The following CCR3 variants were observed in gnomAD, a reference collection of about 807,000 sequenced individuals.
CCR3 encodes the protein C-C motif chemokine receptor 3, also known as C-C chemokine receptor type 3.
For missense variants in CCR3, 419 were observed against 437.5 expected (o/e 0.96, Z 0.38); for synonymous variants, 203 against 179.2 (o/e 1.13, Z -1.06).
chr3:46,239,019 G>A (rs1700050348), upstream of CCR3, among the ~76,000 whole-genome samples: 1 of 152,150 alleles, frequency 6.6e-6, no homozygotes, highest in Non-Finnish European at 1.5e-5. Context: ...TTATGATGGT[G>A]ATTCAGAGAG....
At chr3:46,245,392 C>A (rs974125552) in intron 1 of CCR3, among the ~76,000 whole-genome samples, 1 of 149,096 alleles carries the variant, frequency 6.7e-6, no homozygotes, top group African/African-American at 2.5e-5. Flanking sequence ...TCCTCTTCTA[C>A]AGGAAGAACT....
At chr3:46,224,612 C>T (rs1044982851) in intron 2 of CCR3, among the ~76,000 whole-genome samples, 4 of 151,858 alleles carry the variant, frequency 2.6e-5, no homozygotes, top group Non-Finnish European at 4.4e-5. Flanking sequence ...TGGCACACAC[C>T]TGTAATCCCA....
At chr3:46,254,836 G>A (rs917132092) in intron 1 of CCR3, among the ~76,000 whole-genome samples, 1 of 152,138 alleles carries the variant, frequency 6.6e-6, no homozygotes, top group Non-Finnish European at 1.5e-5. Flanking sequence ...TCATGGCTGA[G>A]TAGTATACCA....
At chr3:46,250,863 G>C (rs1301286902) in intron 1 of CCR3, among the ~76,000 whole-genome samples, 1 of 151,754 alleles carries the variant, frequency 6.6e-6, no homozygotes, top group Non-Finnish European at 1.5e-5. Flanking sequence ...ATGGAAATAA[G>C]GGATTGGGGC....
At chr3:46,243,749 A>G (rs367949491) in intron 1 of CCR3, among the ~76,000 whole-genome samples, 9 of 152,318 alleles carry the variant, frequency 5.9e-5, no homozygotes, top group Non-Finnish European at 1.3e-4. Flanking sequence ...TGGGAGAAGA[A>G]ATATGAGCCC....
chr3:46,239,321 C>G (rs1700054720), upstream of CCR3, among the ~76,000 whole-genome samples: 1 of 152,170 alleles, frequency 6.6e-6, no homozygotes, highest in African/African-American at 2.4e-5. Flanking sequence ...ATCTTTGTAA[C>G]CTTCTAGGAA....
At chr3:46,243,006 C>CATATATATATATATATATATAT (rs1559531100) in intron 1 of CCR3, among the ~76,000 whole-genome samples, 10 of 77,590 alleles carry the variant, frequency 1.3e-4, no homozygotes, top group South Asian at 1.0e-3. Context: ...TATATATACG[C>CATATATATATATATATATATAT]ACACACACAT....
chr3:46,222,978 A>C (rs1324992771), intron 2 of CCR3, among the ~76,000 whole-genome samples: 1 of 152,204 alleles, frequency 6.6e-6, no homozygotes, highest in Non-Finnish European at 1.5e-5. Flanking sequence ...GGAAGGAGAA[A>C]GTATATTAAG....
chr3:46,215,614 C>T (rs1194278250), intron 2 of CCR3, among the ~76,000 whole-genome samples: 1 of 152,156 alleles, frequency 6.6e-6, no homozygotes, highest in Non-Finnish European at 1.5e-5. Flanking sequence ...GTGTGAGACA[C>T]CCTGGTCTAG....
chr3:46,218,859 CACAGCTA>C lies in CCR3; in HGVS notation c.-68+7956_-68+7962del, dbSNP rs983450970. On this transcript the variant is annotated intron_variant, in intron 2 of 3. Transcript: ENST00000357422. ...TAATCAAAGCCGTCTATGACAACCC[CACAGCTA>C]ACATTATACTGAAAAGGGGAAAGTT... 3.0e-4 allele frequency among the ~76,000 whole-genome samples: 45 copies of C among 152,222 alleles called. 1 individual carries two copies. The highest frequency in any genetic ancestry group is 1.1e-3 in the African/African-American group (44 of 41,536).
chr3:46,241,552 T>G (rs1371124638), upstream of CCR3, among the ~76,000 whole-genome samples: 1 of 152,252 alleles, frequency 6.6e-6, no homozygotes, highest in Admixed American at 6.5e-5. Context: ...CTGTATATTC[T>G]GCAGAGACTT....
upstream of CCR3, among the ~76,000 whole-genome samples, chr3:46,241,607 A>C (rs1185839026): frequency 6.6e-6 from 1 of 152,138 alleles, no homozygotes; most frequent in Non-Finnish European, 1.5e-5. Flanking sequence ...GCTATGACTT[A>C]AATATCATTA....
intron 1 of CCR3, among the ~76,000 whole-genome samples, chr3:46,251,538 G>A (rs1476794300): frequency 6.6e-6 from 1 of 152,102 alleles, no homozygotes; most frequent in African/African-American, 2.4e-5. Context: ...TTCTCACGGA[G>A]CAAAGAACAG....
intron 1 of CCR3, among the ~76,000 whole-genome samples, chr3:46,248,729 C>T (rs1220664816): frequency 1.3e-5 from 2 of 152,072 alleles, no homozygotes; most frequent in Non-Finnish European, 2.9e-5. Flanking sequence ...CAGGGTCAGT[C>T]TAAGTGAAAG....
intron 2 of CCR3, among the ~76,000 whole-genome samples, chr3:46,230,695 A>G (rs1286956577): frequency 3.3e-5 from 5 of 152,002 alleles, no homozygotes; most frequent in African/African-American, 1.2e-4. Flanking sequence ...TGACGATGTA[A>G]ATGCAGCCCC....
intron 2 of CCR3, among the ~76,000 whole-genome samples, chr3:46,215,626 G>A (rs1360465112): frequency 6.6e-6 from 1 of 152,194 alleles, no homozygotes; most frequent in East Asian, 1.9e-4. Context: ...CTGGTCTAGA[G>A]GATCACGTTC....
intron 2 of CCR3, among the ~76,000 whole-genome samples, chr3:46,227,045 A>T (rs71615440): frequency 0.06 from 8,984 of 149,976 alleles, 439 homozygotes; most frequent in South Asian, 0.25. Context: ...CTATTTTTTT[A>T]TTTTTCGTAT....
At chr3:46,241,139 C>T (rs1488215971), upstream of CCR3, among the ~76,000 whole-genome samples, 1 of 150,536 alleles carries the variant, frequency 6.6e-6, no homozygotes, top group African/African-American at 2.5e-5. Context: ...TATTCTTTCT[C>T]TCTCTCTCTA....
chr3:46,247,212 C>T (rs1022420629), intron 1 of CCR3, among the ~76,000 whole-genome samples: 1 of 151,988 alleles, frequency 6.6e-6, no homozygotes, highest in African/African-American at 2.4e-5. Context: ...TGTAAACTGG[C>T]AGTGTAAACA....
Sources: allele counts gnomAD v4.1 joint callset (sites outside exome capture counted in the v4.1 genomes callset), GRCh38; gene constraint gnomAD v4.1.1; transcripts MANE v1.5; gene names NCBI Gene and HGNC (gene_info 2026-07-23, HGNC 2026-07-21).